The following FAM174A variants were observed in gnomAD, a reference collection of about 807,000 sequenced individuals.
FAM174A encodes family with sequence similarity 174 member A, also known as membrane protein FAM174A.
FAM174A carries 14 observed loss-of-function variants against 14.3 expected under a neutral mutation model. That is an observed-to-expected ratio of 0.98 (90% CI 0.65 to 1.53). The LOEUF is 1.53. Among genes scored for constraint, FAM174A ranks in the 40% most tolerant of loss-of-function variants. FAM174A has a pLI of 0.00. For missense variants in FAM174A, 241 were observed against 249.6 expected (o/e 0.97, Z 0.23); for synonymous variants, 108 against 111.4 (o/e 0.97, Z 0.19).
At chr5:100,566,771 A>G (rs1482706879) in intron 2 of FAM174A, among the ~76,000 whole-genome samples, 3 of 152,018 alleles carry the variant, frequency 2.0e-5, no homozygotes, top group South Asian at 4.1e-4. Context: ...AAAGATGGAG[A>G]AATAAAAAGT....
intron 2 of FAM174A, among the ~76,000 whole-genome samples, chr5:100,572,862 C>T (rs961871492): frequency 6.6e-6 from 1 of 152,078 alleles, no homozygotes; most frequent in Non-Finnish European, 1.5e-5. Flanking sequence ...GTTTACAGTC[C>T]CACCAACAGT....
At chr5:100,570,363 A>G (rs1289046067) in intron 2 of FAM174A, among the ~76,000 whole-genome samples, 1 of 151,950 alleles carries the variant, frequency 6.6e-6, no homozygotes, top group Non-Finnish European at 1.5e-5. Context: ...TTTAATGTTG[A>G]TATTAGAGAT....
intron 2 of FAM174A, among the ~76,000 whole-genome samples, chr5:100,585,211 G>T (rs1338451881): frequency 6.6e-6 from 1 of 152,120 alleles, no homozygotes. Flanking sequence ...CTACAGTTAT[G>T]ATTTAATACT....
intron 1 of FAM174A, among the ~76,000 whole-genome samples, chr5:100,549,610 T>C (rs2112371890): frequency 6.6e-6 from 1 of 150,752 alleles, no homozygotes; most frequent in African/African-American, 2.4e-5. Flanking sequence ...GCTTTTGATT[T>C]TTTTTTTTTT....
At chr5:100,573,684 C>G (rs1445884609) in intron 2 of FAM174A, among the ~76,000 whole-genome samples, 3 of 150,158 alleles carry the variant, frequency 2.0e-5, no homozygotes, top group Non-Finnish European at 4.4e-5. Flanking sequence ...CCATCCCCAT[C>G]AAGCTATCAA....
intron 1 of FAM174A, among the ~76,000 whole-genome samples, chr5:100,549,432 C>T (rs564082883): frequency 1.1e-4 from 17 of 152,158 alleles, no homozygotes; most frequent in East Asian, 3.9e-4. Context: ...AACTATATAA[C>T]GTTGATTTAG....
rs1381668367 is a variant in FAM174A, at chr5:100,535,920, G to A, written c.390G>A (p.Val130=). 1 of 1,609,668 alleles carries A rather than the reference G, an allele frequency of 6.2e-7. No homozygotes were observed. The highest frequency in any genetic ancestry group is 2.2e-5 in the East Asian group (1 of 44,774). The part of the protein sequence containing the change: ...MTQRALTVLM[V]VSGAVLVYFV... The stretch of plus-strand genomic sequence containing the variant: ...AGCGGGCCCTGACCGTGTTGATGGT[G>A]GTGAGCGGCGCGGTGCTGGTGTACT... Residue 130 remains valine (V), a synonymous_variant, in exon 1 of 3, where the codon GTG becomes GTA. Transcript: ENST00000312637.
chr5:100,581,328 G>T, intron 2 of FAM174A: 2 of 974,348 alleles, frequency 2.1e-6, no homozygotes, highest in Non-Finnish European at 2.4e-6. Flanking sequence ...ATACCATATT[G>T]ATTCTCCACT....
chr5:100,557,437 G>A (rs548676319), intron 1 of FAM174A, among the ~76,000 whole-genome samples: 19 of 152,236 alleles, frequency 1.2e-4, no homozygotes, highest in African/African-American at 4.3e-4. Context: ...GTATCAGGAC[G>A]ATGCTGGCCT....
intron 2 of FAM174A, among the ~76,000 whole-genome samples, chr5:100,583,108 A>G (rs1013229928): frequency 1.3e-5 from 2 of 152,186 alleles, no homozygotes; most frequent in African/African-American, 4.8e-5. Flanking sequence ...AATCATAAGG[A>G]AGAGAAAATA....
chr5:100,543,454 G>T (rs1746103666), intron 1 of FAM174A, among the ~76,000 whole-genome samples: 1 of 152,178 alleles, frequency 6.6e-6, no homozygotes, highest in Non-Finnish European at 1.5e-5. Context: ...ATCACATGTT[G>T]TTAGTGGCAA....
At chr5:100,544,897 A>G (rs1392799246) in intron 1 of FAM174A, among the ~76,000 whole-genome samples, 1 of 152,232 alleles carries the variant, frequency 6.6e-6, no homozygotes, top group African/African-American at 2.4e-5. Flanking sequence ...AATCAATAGC[A>G]TTTGAACATT....
At chr5:100,537,817 A>G (rs72774688) in intron 1 of FAM174A, among the ~76,000 whole-genome samples, 30,965 of 152,146 alleles carry the variant, frequency 0.2, 3,577 homozygotes, top group Admixed American at 0.33. Context: ...TGAATGTTGT[A>G]TCTCTTATAC....
At chr5:100,558,297 G>C (rs1746440816) in intron 1 of FAM174A, among the ~76,000 whole-genome samples, 1 of 152,170 alleles carries the variant, frequency 6.6e-6, no homozygotes, top group Non-Finnish European at 1.5e-5. Context: ...ACTGTGGTCT[G>C]AGATACAGTT....
At chr5:100,556,517 A>G (rs1298433618) in intron 1 of FAM174A, among the ~76,000 whole-genome samples, 2 of 152,184 alleles carry the variant, frequency 1.3e-5, no homozygotes, top group African/African-American at 2.4e-5. Flanking sequence ...CATTGAATCT[A>G]TAAATTACCT....
At chr5:100,578,366 G>A (rs1422680782) in intron 2 of FAM174A, among the ~76,000 whole-genome samples, 1 of 152,100 alleles carries the variant, frequency 6.6e-6, no homozygotes, top group African/African-American at 2.4e-5. Flanking sequence ...TAGTTGGACT[G>A]CACTTCTAAA....
intron 2 of FAM174A, among the ~76,000 whole-genome samples, chr5:100,573,383 T>G (rs1399688185): frequency 6.6e-6 from 1 of 151,552 alleles, no homozygotes; most frequent in East Asian, 1.9e-4. Flanking sequence ...TTTATGGTTT[T>G]AGGTCTAACG....
intron 2 of FAM174A, among the ~76,000 whole-genome samples, chr5:100,568,314 TCTAGACTCTTTTG>T (rs1443576942): frequency 6.6e-6 from 1 of 151,866 alleles, no homozygotes; most frequent in Non-Finnish European, 1.5e-5. Flanking sequence ...CATCAGATGT[TCTAGACTCTTTTG>T]GATTCAGCCT....
At chr5:100,541,271 C>G (rs1347668110) in intron 1 of FAM174A, among the ~76,000 whole-genome samples, 1 of 152,106 alleles carries the variant, frequency 6.6e-6, no homozygotes, top group Non-Finnish European at 1.5e-5. Flanking sequence ...GGGAATGTGG[C>G]AGCAAGAGCT....
Sources: allele counts gnomAD v4.1 joint callset (sites outside exome capture counted in the v4.1 genomes callset), GRCh38; gene constraint gnomAD v4.1.1; transcripts MANE v1.5; gene names NCBI Gene and HGNC (gene_info 2026-07-23, HGNC 2026-07-21).